Variants in MYBPC1 observed in about 807,000 individuals in gnomAD.
MYBPC1 encodes the protein myosin binding protein C1.
Under a neutral mutation model 147.1 loss-of-function variants are expected in MYBPC1, and 52 were observed. That is an observed-to-expected ratio of 0.35 (90% CI 0.28 to 0.45). The LOEUF (loss-of-function observed/expected upper bound fraction) is 0.45. Among genes scored for constraint, MYBPC1 ranks in the 20% least tolerant of loss-of-function variants. The pLI is 1.00. For missense variants in MYBPC1, 1,228 were observed against 1,440.3 expected, an observed-to-expected ratio of 0.85 and a Z score of 2.39; for synonymous variants, 477 against 475.9, an observed-to-expected ratio of 1.00 and a Z score of -0.03.
intron 6 of MYBPC1, 24 bp from the exon 7 acceptor site, chr12:101,631,547 C>A: frequency 6.2e-7 from 1 of 1,613,006 alleles, no homozygotes. Flanking sequence ...AAAGAGCAAG[C>A]TGAATCCCTT....
intron 1 of MYBPC1, among the ~76,000 whole-genome samples, chr12:101,610,075 G>C (rs1883700615): frequency 6.6e-6 from 1 of 152,254 alleles, no homozygotes; most frequent in Non-Finnish European, 1.5e-5. Context: ...AAGGTAAATG[G>C]GGACACCTTG....
chr12:101,645,349 A>T (rs1269219021), intron 12 of MYBPC1, among the ~76,000 whole-genome samples: 1 of 152,250 alleles, frequency 6.6e-6, no homozygotes, highest in Non-Finnish European at 1.5e-5. Flanking sequence ...CTTCTCACAG[A>T]TGGAGACGGA....
Position 101,659,806 on chromosome 12 carries a change from T to C in MYBPC1, c.1902T>C (p.His634=). The change falls in exon 19 of 32, where the codon CAT becomes CAC. Residue 634 remains histidine (H), a synonymous_variant. Coordinates refer to ENST00000361466, the MANE Select transcript of MYBPC1 (RefSeq NM_002465.4). The part of the protein sequence containing the change: ...INLKNEAGEA[H]ASIKVKVVDF... ...TGAAAAACGAAGCTGGAGAGGCACATGCAAGCATCAAGGTTAAAGTTGTGG... is the reference window on the plus strand; with the variant it reads ...TGAAAAACGAAGCTGGAGAGGCACACGCAAGCATCAAGGTTAAAGTTGTGG... The C allele has an allele frequency of 1.2e-6, 2 of 1,614,150 alleles. No individual in the cohort carries two copies. Among genetic ancestry groups the C allele is most frequent in the Middle Eastern group, 1.6e-4 (1 of 6,062 alleles).
chr12:101,669,984 G>T, intron 23 of MYBPC1: 1 of 401,016 alleles, frequency 2.5e-6, no homozygotes, highest in Non-Finnish European at 4.6e-6. Context: ...GTATGTATAA[G>T]GCCCTAAGAG....
intron 7 of MYBPC1, 39 bp downstream of exon 7, chr12:101,631,758 G>A (rs769632884): frequency 2.4e-5 from 39 of 1,612,698 alleles, no homozygotes; most frequent in East Asian, 6.7e-5. Flanking sequence ...CTCAGCTAGC[G>A]CATTCCTTCT....
At position 101,646,890 on chromosome 12, in the gene MYBPC1, A is replaced by C; in HGVS notation, c.1090+3A>C. On this transcript the variant is annotated splice_donor_region_variant and intron_variant, in intron 13 of 31. Coordinates refer to ENST00000361466, the MANE Select transcript of MYBPC1 (RefSeq NM_002465.4). The stretch of plus-strand genomic sequence containing the variant: ...TTCCACTGAGCTCTTCGTAAGAGGT[A>C]AAAATGAAATCTCTTATTGTGGTCA... 1 of 1,614,122 alleles carries C rather than the reference A, an allele frequency of 6.2e-7. No homozygotes were observed. The highest frequency in any genetic ancestry group is 8.5e-7 in the Non-Finnish European group (1 of 1,179,964).
chr12:101,673,017 G>A (rs1226084810), intron 24 of MYBPC1, among the ~76,000 whole-genome samples: 1 of 152,182 alleles, frequency 6.6e-6, no homozygotes, highest in African/African-American at 2.4e-5. Context: ...TAAGTGGTCA[G>A]GAGCTAGACA....
chr12:101,662,420 T>A lies in MYBPC1; in HGVS notation c.2095T>A (p.Cys699Ser). ...GTGGATGAGGCTGAATTTTGATCTC[T>A]GCAAAGAAACAACTTTTGAGCCCAA... ...SRWMRLNFDLCKETTFEPKKM... is the reference protein window; with the variant it reads ...SRWMRLNFDLSKETTFEPKKM... Residue 699 changes from cysteine to serine, a missense_variant, in exon 21 of 32, where the codon TGC (cysteine) becomes AGC (serine). By Grantham distance (112) the Cys-to-Ser change is moderately radical (BLOSUM62 -1). Coordinates refer to ENST00000361466, the MANE Select transcript of MYBPC1 (RefSeq NM_002465.4). 6.2e-7 allele frequency: 1 copy of A among 1,614,244 alleles called. No individual in the cohort carries two copies.
chr12:101,672,388 G>A (rs1898922123), intron 24 of MYBPC1, among the ~76,000 whole-genome samples: 1 of 152,152 alleles, frequency 6.6e-6, no homozygotes. Flanking sequence ...GGGATTCTAG[G>A]AAATTCCTTT....
At chr12:101,693,197 T>C in the MYBPC1 span, among the ~76,000 whole-genome samples, 3 of 152,232 alleles carry the variant, frequency 2.0e-5, no homozygotes, top group Middle Eastern at 3.4e-3. Context: ...CCACCCGCCT[T>C]GGCCTCCCAA....
intron 5 of MYBPC1, 102 bp from the exon 6 acceptor site, chr12:101,629,332 C>T: frequency 1.2e-6 from 1 of 805,388 alleles, no homozygotes; most frequent in African/African-American, 1.7e-5. Context: ...GTTTATTAGA[C>T]AAAGAAAAGC....
chr12:101,660,749 GGGAGGCCTCAC>G (rs1896403577), intron 19 of MYBPC1, among the ~76,000 whole-genome samples: 2 of 151,938 alleles, frequency 1.3e-5, no homozygotes, highest in Non-Finnish European at 2.9e-5. Context: ...CTTGTAGCTG[GGGAGGCCTCAC>G]AATCATGGTG....
chr12:101,658,246 C>A (rs548571668), intron 18 of MYBPC1, among the ~76,000 whole-genome samples: 1 of 151,598 alleles, frequency 6.6e-6, no homozygotes, highest in Non-Finnish European at 1.5e-5. Context: ...ATTTGAAAAT[C>A]AATTAATGTA....
chr12:101,670,421 A>G lies in MYBPC1; in HGVS notation c.2613+12A>G. 6.2e-7 allele frequency: 1 copy of G among 1,606,262 alleles called. No individual in the cohort carries two copies. The highest frequency in any genetic ancestry group is 8.5e-7 in the Non-Finnish European group (1 of 1,172,848). ...TTATACCTTTCCAGGTAAGAGTTCA[A>G]GGGTCGCTCTTTTTCTCTTTAGAGG... On this transcript the variant is annotated intron_variant, in intron 24 of 31. Transcript: ENST00000361466.
intron 29 of MYBPC1, among the ~76,000 whole-genome samples, chr12:101,681,347 T>C (rs932442854): frequency 2.0e-5 from 3 of 151,806 alleles, no homozygotes; most frequent in African/African-American, 7.3e-5. Context: ...TCTCTCATTC[T>C]TAACTGTATT....
intron 31 of MYBPC1, among the ~76,000 whole-genome samples, chr12:101,684,860 T>C (rs1951257090): frequency 6.6e-6 from 1 of 152,214 alleles, no homozygotes; most frequent in Admixed American, 6.5e-5. Flanking sequence ...CTGCTTTGTC[T>C]GGACGTGAAT....
rs185217989 is a variant in MYBPC1 at position 101,615,306 on chromosome 12, C to G, written c.61+775C>G. 6.6e-5 allele frequency among the ~76,000 whole-genome samples: 10 copies of G among 152,278 alleles called. No homozygotes were observed. In the East Asian group the frequency reaches 1.9e-3, roughly 29 times the overall value. ...CAGCCAAATAGCCCCAAGATGGAAG[C>G]AACCAAAATCATGTGCATTTTCCCA... On this transcript the variant is annotated intron_variant, in intron 2 of 31. Coordinates refer to ENST00000361466, the MANE Select transcript of MYBPC1 (RefSeq NM_002465.4).
chr12:101,616,726 T>A (rs1425418525), intron 2 of MYBPC1, among the ~76,000 whole-genome samples: 1 of 152,160 alleles, frequency 6.6e-6, no homozygotes, highest in Non-Finnish European at 1.5e-5. Context: ...ACTGAAACAT[T>A]TTCTTTGAAG....
In MYBPC1 at chr12:101,618,560, A is replaced by G. The variant is rs572898992; in HGVS notation, c.103+1317A>G. Among the ~76,000 whole-genome samples, 4 of 152,344 alleles carry G rather than the reference A, an allele frequency of 2.6e-5. No homozygotes were observed. In the South Asian group the frequency reaches 8.3e-4, roughly 32 times the overall value. ...TGGGCCAGGCTGCAAGGCTCAACCA[A>G]CAGAGCAGATGATGTAATCCCAGAG... On this transcript the variant is annotated intron_variant, in intron 3 of 31. Coordinates refer to ENST00000361466, the MANE Select transcript of MYBPC1 (RefSeq NM_002465.4).
Sources: gnomAD v4.1 joint callset for allele counts (sites outside exome capture counted in the v4.1 genomes callset) on GRCh38, gnomAD v4.1.1 for gene constraint, MANE v1.5 for transcripts, NCBI Gene and HGNC (gene_info 2026-07-23, HGNC 2026-07-21) for gene names.